Variants in GTF2I observed in about 807,000 individuals in gnomAD.
GTF2I encodes the protein general transcription factor IIi.
Under a neutral mutation model 67.6 loss-of-function variants are expected in GTF2I, and 12 were observed. The ratio of observed to expected loss-of-function variants is 0.18; its 90% CI spans 0.11 to 0.29. The LOEUF is 0.29. Ranked by LOEUF, GTF2I falls within the 10% of genes least tolerant of loss-of-function variation. The probability of loss-of-function intolerance (pLI) is 1.00; values close to 1 mark genes in which losing one functional copy is unlikely to be tolerated. For synonymous variants in GTF2I, 149 were observed against 197.0 expected (o/e 0.76, Z 2.04); for missense variants, 271 against 580.1 (o/e 0.47, Z 5.47).
intron 1 of GTF2I, among the ~76,000 whole-genome samples, chr7:74,677,538 T>C (rs1554392740): frequency 6.6e-6 from 1 of 151,922 alleles, no homozygotes; most frequent in Admixed American, 6.6e-5. Context: ...TGTGGCACTT[T>C]GGGAGGCTGA....
At chr7:74,694,152 C>T (rs587610669) in intron 3 of GTF2I, among the ~76,000 whole-genome samples, 1 of 152,288 alleles carries the variant, frequency 6.6e-6, no homozygotes, top group African/African-American at 2.4e-5. Context: ...GAAGATCAAA[C>T]CAGCCACAGC....
intron 15 of GTF2I, 67 bp from the exon 16 acceptor site, chr7:74,733,851 AATATG>A (rs1270636632): frequency 1.1e-6 from 1 of 939,644 alleles, no homozygotes; most frequent in Non-Finnish European, 1.7e-6. Context: ...CTAAATGTTA[AATATG>A]TACTAGTCGT....
At chr7:74,715,991 T>G (rs1554403549) in intron 10 of GTF2I, among the ~76,000 whole-genome samples, 2 of 152,110 alleles carry the variant, frequency 1.3e-5, no homozygotes, top group African/African-American at 4.8e-5. Flanking sequence ...AATTTAGTTC[T>G]CAATAGATAA....
chr7:74,667,539 G>A (rs1805087507), intron 1 of GTF2I, among the ~76,000 whole-genome samples: 1 of 151,884 alleles, frequency 6.6e-6, no homozygotes, highest in South Asian at 2.1e-4. Flanking sequence ...GGGGAGGGAC[G>A]GGATGTCACT....
intron 9 of GTF2I, 49 bp from the exon 10 acceptor site, chr7:74,714,806 ATT>A: frequency 4.0e-6 from 5 of 1,262,716 alleles, no homozygotes; most frequent in South Asian, 2.8e-5. Context: ...GTCACCCCAC[ATT>A]TTTTTTTGGG....
At chr7:74,683,002 TA>T (rs1446386921) in intron 1 of GTF2I, among the ~76,000 whole-genome samples, 1 of 113,762 alleles carries the variant, frequency 8.8e-6, no homozygotes, top group Non-Finnish European at 1.8e-5. Flanking sequence ...GAAGAAAACG[TA>T]AAAAAAGGTA....
intron 1 of GTF2I, among the ~76,000 whole-genome samples, chr7:74,670,514 T>C (rs1032860870): frequency 6.6e-6 from 1 of 151,938 alleles, no homozygotes; most frequent in Non-Finnish European, 1.5e-5. Context: ...CTGGCCAACA[T>C]GGTAAAACCC....
chr7:74,659,383 A>G (rs1444749523), intron 1 of GTF2I, among the ~76,000 whole-genome samples: 1 of 149,958 alleles, frequency 6.7e-6, no homozygotes, highest in African/African-American at 2.5e-5. Context: ...GCATGCCATC[A>G]TGCCCTGCTA....
In GTF2I at chr7:74,659,051, C is replaced by A. The variant is rs921809519; in HGVS notation, c.-6+983C>A. Among the ~76,000 whole-genome samples, 3 of 143,280 alleles carry A rather than the reference C, an allele frequency of 2.1e-5. No homozygotes were observed. The South Asian group carries it at 7.0e-4, about 34-fold the overall frequency. The allele number at this position is 143,280 out of a possible 152,430, so 94.0% of individuals were successfully genotyped here. ...CTGTTGGAGTAGTGTCCACTCTTGG[C>A]GATGCGCAGCTCTTGCTGACTACTG... On this transcript the variant is annotated intron_variant, in intron 1 of 34. Transcript: ENST00000573035.
chr7:74,714,233 A>T (rs143746881), intron 9 of GTF2I, among the ~76,000 whole-genome samples: 10 of 152,280 alleles, frequency 6.6e-5, no homozygotes, highest in Middle Eastern at 6.8e-3. Flanking sequence ...GCAGTTTGTG[A>T]AGTTGAATTT....
chr7:74,733,061 G>A (rs1293733572), intron 15 of GTF2I, among the ~76,000 whole-genome samples: 1 of 142,266 alleles, frequency 7.0e-6, no homozygotes, highest in African/African-American at 2.6e-5. Flanking sequence ...CTGCCTTCCA[G>A]GTTCAAGCGA....
intron 1 of GTF2I, chr7:74,687,558 G>A (rs1787848980): frequency 1.0e-6 from 1 of 984,854 alleles, no homozygotes; most frequent in Non-Finnish European, 1.2e-6. Flanking sequence ...AACTTCCTAA[G>A]TATGTATGCT....
intron 12 of GTF2I, among the ~76,000 whole-genome samples, chr7:74,721,073 C>T (rs1792924531): frequency 6.6e-6 from 1 of 151,760 alleles, no homozygotes; most frequent in Non-Finnish European, 1.5e-5. Flanking sequence ...TGGAGTTTCA[C>T]TCTTGTTGCC....
At chr7:74,667,093 C>T (rs1168282349) in intron 1 of GTF2I, among the ~76,000 whole-genome samples, 4 of 152,060 alleles carry the variant, frequency 2.6e-5, no homozygotes, top group Non-Finnish European at 5.9e-5. Flanking sequence ...TGCAGTGAGC[C>T]AAGATCACGC....
chr7:74,686,899 T>G (rs1305154173), intron 1 of GTF2I, among the ~76,000 whole-genome samples: 2 of 151,962 alleles, frequency 1.3e-5, no homozygotes, highest in Non-Finnish European at 2.9e-5. Context: ...GTTTTTGTTT[T>G]TTTTTTTTGA....
chr7:74,731,910 A>G (rs868986151), intron 14 of GTF2I, among the ~76,000 whole-genome samples: 39 of 151,752 alleles, frequency 2.6e-4, no homozygotes, highest in Middle Eastern at 3.4e-3. Flanking sequence ...GAAGCACTGT[A>G]ACCTAGTGGT....
intron 2 of GTF2I, 21 bp from the exon 3 acceptor site, chr7:74,690,952 T>A (rs1175383739): frequency 6.2e-7 from 1 of 1,601,506 alleles, no homozygotes; most frequent in Non-Finnish European, 8.5e-7. Flanking sequence ...TGTAACATGA[T>A]GTTTGCTGTT....
At position 74,700,407 on chromosome 7, in the gene GTF2I, A is replaced by G. The variant is rs1554399554; in HGVS notation, c.534A>G (p.Ala178=). 6.2e-7 allele frequency: 1 copy of G among 1,614,208 alleles called. No individual in the cohort carries two copies. Among genetic ancestry groups the G allele is most frequent in the Non-Finnish European group, 8.5e-7 (1 of 1,180,034 alleles). The change falls in exon 5 of 35, where the codon GCA becomes GCG. Residue 178 remains alanine (A), a synonymous_variant. Coordinates refer to ENST00000573035, the MANE Select transcript of GTF2I (RefSeq NM_032999.4). ...ATLKWILENK[A]GISFIIKRPF... is the part of the protein sequence containing the mutation. ...TGAAATGGATTTTGGAGAACAAAGC[A>G]GGGATTTCATTCATCATTAAGAGGT...
chr7:74,680,886 G>A (rs1787216065), intron 1 of GTF2I, among the ~76,000 whole-genome samples: 1 of 152,196 alleles, frequency 6.6e-6, no homozygotes, highest in Admixed American at 6.6e-5. Flanking sequence ...GAACAGCAAG[G>A]ACACGGATAA....
Sources: allele counts gnomAD v4.1 joint callset (sites outside exome capture counted in the v4.1 genomes callset), GRCh38; gene constraint gnomAD v4.1.1; transcripts MANE v1.5; gene names NCBI Gene and HGNC (gene_info 2026-07-23, HGNC 2026-07-21).